The following IL12RB1 variants were observed in gnomAD, a reference collection of about 807,000 sequenced individuals.
IL12RB1 encodes interleukin 12 receptor subunit beta 1.
In IL12RB1, 64 loss-of-function variants were observed where a neutral mutation model predicts 94.4. The observed-to-expected ratio is 0.68, with a 90% CI of 0.55 to 0.83. IL12RB1 has a LOEUF of 0.83. IL12RB1 is among the 40% of genes least tolerant of loss of function. IL12RB1 has a pLI of 0.00. For synonymous variants in IL12RB1, 362 were observed against 355.5 expected, an observed-to-expected ratio of 1.02 and a Z score of -0.21; for missense variants, 814 against 855.6, an observed-to-expected ratio of 0.95 and a Z score of 0.61.
At position 18,059,187 on chromosome 19, in the gene IL12RB1, A is replaced by T. The variant is rs404733; in HGVS notation, c.*421T>A. 91,661 of 188,224 alleles carry T rather than the reference A, an allele frequency of 0.49. 23,534 individuals carry two copies. Among genetic ancestry groups the T allele is most frequent in the African/African-American group, 0.6 (25,331 of 41,882 alleles). The allele number at this position is 188,224 out of a possible 1,614,324, so 11.7% of individuals were successfully genotyped here. A position where few individuals can be genotyped will look rare whatever the true frequency, so the allele number is the denominator to read the frequency against. ...GGGAGGACCGTCATTTTTCCCACAA[A>T]GTTTACAGCCCCCTTCCCTATATGC... On this transcript the variant is annotated 3_prime_UTR_variant, in exon 17 of 17. Transcript: ENST00000593993.
At position 18,074,878 on chromosome 19, in the gene IL12RB1, C is replaced by A. The variant is rs17884732; in HGVS notation, c.700+871G>T. Among the ~76,000 whole-genome samples, 995 of 152,050 alleles carry A rather than the reference C, an allele frequency of 6.5e-3. 11 individuals are homozygous for A. Among genetic ancestry groups the A allele is most frequent in the African/African-American group, 0.023 (949 of 41,490 alleles). On this transcript the variant is annotated intron_variant, in intron 7 of 16. Coordinates refer to ENST00000593993, the MANE Select transcript of IL12RB1 (RefSeq NM_005535.3). ...CATCCTGGCTAACATGGTGAAACCC[C>A]GTCTCTACTAAAAAATACAAAAAAT...
chr19:18,067,327 A>G (rs1429950943), intron 11 of IL12RB1, among the ~76,000 whole-genome samples: 3 of 37,264 alleles, frequency 8.1e-5, no homozygotes, highest in South Asian at 5.6e-4. Context: ...CTGTCTCAAG[A>G]AAAAAAAAAA....
At chr19:18,060,212 C>A in intron 15 of IL12RB1, 127 bp from the exon 16 acceptor site, 1 of 618,884 alleles carries the variant, frequency 1.6e-6, no homozygotes, top group Admixed American at 2.8e-5. Flanking sequence ...GGTGCAGTGG[C>A]TCACACCTGT....
intron 10 of IL12RB1, among the ~76,000 whole-genome samples, chr19:18,068,892 G>A (rs17886399): frequency 0.15 from 22,838 of 151,874 alleles, 2,032 homozygotes; most frequent in Non-Finnish European, 0.21. Flanking sequence ...GGGATTTACA[G>A]GTGCACACCA....
chr19:18,074,556 G>A (rs1262920178), intron 7 of IL12RB1, among the ~76,000 whole-genome samples: 2 of 151,982 alleles, frequency 1.3e-5, no homozygotes, highest in Non-Finnish European at 2.9e-5. Flanking sequence ...GAGACCAGCC[G>A]GGCAAACATG....
Position 18,080,814 on chromosome 19 carries a change from G to A in IL12RB1, c.409+18C>T, listed in dbSNP as rs1359196749. 8 of 1,565,590 alleles carry A rather than the reference G, an allele frequency of 5.1e-6. No individual in the cohort carries two copies. In the Admixed American group the frequency reaches 1.2e-4, roughly 23 times the overall value. ...CTCTCTGGGTAAAAAACGGACGGGG[G>A]GAGAACAAGGTGCTAACCTGAGTTG... On this transcript the variant is annotated intron_variant, in intron 4 of 16. Transcript: ENST00000593993.
intron 1 of IL12RB1, among the ~76,000 whole-genome samples, chr19:18,096,762 G>A (rs1384039183): frequency 6.6e-6 from 1 of 151,714 alleles, no homozygotes; most frequent in Non-Finnish European, 1.5e-5. Context: ...CTTGAACCCA[G>A]GAGGCAGGGG....
chr19:18,091,868 CT>C (rs1264996682), upstream of IL12RB1, among the ~76,000 whole-genome samples: 4,675 of 120,492 alleles, frequency 0.039, 191 homozygotes, highest in African/African-American at 0.13. Flanking sequence ...CCTGGCTTTT[CT>C]TTTTTTTTTT....
chr19:18,062,104 G>A (rs2034178058), intron 14 of IL12RB1, 77 bp downstream of exon 14: 4 of 967,738 alleles, frequency 4.1e-6, no homozygotes, highest in South Asian at 2.6e-5. Flanking sequence ...CCCAATCTGC[G>A]GGCTAAGCTC....
chr19:18,084,773 C>A (rs2036216116), intron 1 of IL12RB1, among the ~76,000 whole-genome samples: 1 of 152,218 alleles, frequency 6.6e-6, no homozygotes, highest in South Asian at 2.1e-4. Flanking sequence ...ATCCATTCAT[C>A]CACCACCCTT....
At chr19:18,082,509 G>GT (rs17884870) in intron 2 of IL12RB1, among the ~76,000 whole-genome samples, 4 of 150,758 alleles carry the variant, frequency 2.7e-5, no homozygotes, top group Non-Finnish European at 3.0e-5. Context: ...CTCCTCTGGT[G>GT]TTTTTTTTTG....
Position 18,059,706 on chromosome 19 carries a change from C to T in IL12RB1, c.1984-93G>A. On this transcript the variant is annotated intron_variant, in intron 16 of 16. Coordinates refer to ENST00000593993, the MANE Select transcript of IL12RB1 (RefSeq NM_005535.3). ...AGTGGATGGAATGGGCTGGGTATGCCATAAGTGCTTAATAACCAGCCGTTG... is the reference window on the plus strand; with the variant it reads ...AGTGGATGGAATGGGCTGGGTATGCTATAAGTGCTTAATAACCAGCCGTTG... 5.2e-6 allele frequency: 4 copies of T among 766,060 alleles called. No homozygotes were observed. The South Asian group carries it at 5.5e-5, about 11-fold the overall frequency. 47.5% of individuals were successfully genotyped at this position (766,060 alleles called of 1,614,324 possible). A position where few individuals can be genotyped will look rare whatever the true frequency, so the allele number is the denominator to read the frequency against.
upstream of IL12RB1, among the ~76,000 whole-genome samples, chr19:18,090,927 A>G (rs1236262682): frequency 6.6e-6 from 1 of 152,028 alleles, no homozygotes; most frequent in African/African-American, 2.4e-5. Context: ...GCTAGAATGT[A>G]TAGAATTACA....
chr19:18,084,472 G>GTCCATCCA (rs149148752), intron 1 of IL12RB1, among the ~76,000 whole-genome samples: 39 of 135,610 alleles, frequency 2.9e-4, no homozygotes, highest in African/African-American at 8.9e-4. Context: ...GTATTCATTA[G>GTCCATCCA]TCCATCCATC....
chr19:18,073,176 T>C (rs1475487983), intron 8 of IL12RB1, among the ~76,000 whole-genome samples: 1 of 151,964 alleles, frequency 6.6e-6, no homozygotes, highest in Admixed American at 6.6e-5. Context: ...ACTTAATGGG[T>C]TGTTTTGGGA....
At chr19:18,072,842 G>A (rs2035166923) in intron 8 of IL12RB1, among the ~76,000 whole-genome samples, 1 of 150,926 alleles carries the variant, frequency 6.6e-6, no homozygotes, top group Admixed American at 6.6e-5. Context: ...AGCTACTCGG[G>A]AGGCTGAGGC....
At chr19:18,069,163 G>A (rs12150884) in intron 10 of IL12RB1, among the ~76,000 whole-genome samples, 22,078 of 152,190 alleles carry the variant, frequency 0.15, 1,983 homozygotes, top group Non-Finnish European at 0.21. Flanking sequence ...GCAGGAAGCG[G>A]GAGAGTGAGA....
In IL12RB1 at chr19:18,068,494, T is replaced by C. The variant is rs780762892; in HGVS notation, c.1222A>G (p.Met408Val). The C allele has an allele frequency of 1.7e-5, 27 of 1,612,446 alleles. No individual in the cohort carries two copies. Among genetic ancestry groups the C allele is most frequent in the African/African-American group, 4.0e-5 (3 of 74,812 alleles). ...TYSWSRESGA[M>V]GQEKCYYITI... ...ATGTAGTAACACTTTTCCTGCCCCATTGCCCCAGACTCTCGACTCCAGCTG... is the reference window on the plus strand; with the variant it reads ...ATGTAGTAACACTTTTCCTGCCCCACTGCCCCAGACTCTCGACTCCAGCTG... The change falls in exon 11 of 17, where the codon ATG (methionine) becomes GTG (valine). Residue 408 changes from methionine (M) to valine (V), a missense_variant. Met to Val is a conservative substitution (Grantham distance 21). Transcript: ENST00000593993.
intron 13 of IL12RB1, 58 bp downstream of exon 13, chr19:18,063,818 G>A: frequency 1.3e-6 from 2 of 1,514,728 alleles, no homozygotes; most frequent in South Asian, 1.2e-5. Flanking sequence ...AGATCATTGT[G>A]GGAAGCGCAG....
Sources: gnomAD v4.1 joint callset for allele counts (sites outside exome capture counted in the v4.1 genomes callset) on GRCh38, gnomAD v4.1.1 for gene constraint, MANE v1.5 for transcripts, NCBI Gene and HGNC (gene_info 2026-07-23, HGNC 2026-07-21) for gene names.